Variants in MINDY4 observed in about 807,000 individuals in gnomAD.
MINDY4 encodes the protein probable ubiquitin carboxyl-terminal hydrolase MINDY-4.
A neutral mutation model predicts 87.0 loss-of-function variants in MINDY4; 68 were observed. The observed-to-expected ratio is 0.78, with a 90% CI of 0.64 to 0.96. The LOEUF is 0.96. Ranked by LOEUF, MINDY4 falls within the 40% of genes least tolerant of loss-of-function variation. The pLI is 0.00. For synonymous variants in MINDY4, 379 were observed against 363.2 expected, an observed-to-expected ratio of 1.04 and a Z score of -0.50; for missense variants, 919 against 928.2, an observed-to-expected ratio of 0.99 and a Z score of 0.13.
At chr7:30,804,734 G>A (rs1447718172) in intron 5 of MINDY4, among the ~76,000 whole-genome samples, 1 of 152,200 alleles carries the variant, frequency 6.6e-6, no homozygotes, top group Non-Finnish European at 1.5e-5. Context: ...GGAAACTGAG[G>A]CACAAAATGA....
At chr7:30,842,426 T>A (rs1789069078) in intron 9 of MINDY4, among the ~76,000 whole-genome samples, 1 of 152,208 alleles carries the variant, frequency 6.6e-6, no homozygotes. Context: ...TGCTCCTGAC[T>A]GGGTGGAACT....
intron 9 of MINDY4, among the ~76,000 whole-genome samples, chr7:30,849,956 A>G (rs1338241916): frequency 1.3e-5 from 2 of 152,190 alleles, no homozygotes; most frequent in African/African-American, 4.8e-5. Context: ...CTGTGTCTAA[A>G]TGTCCAGCAA....
chr7:30,812,272 G>C (rs1172338873), intron 5 of MINDY4, among the ~76,000 whole-genome samples: 1 of 47,958 alleles, frequency 2.1e-5, no homozygotes, highest in Non-Finnish European at 3.6e-5. Flanking sequence ...TGTGTGTTGA[G>C]GGGGGGGGGG....
chr7:30,858,898 A>G (rs945855468), intron 12 of MINDY4: 1 of 470,190 alleles, frequency 2.1e-6, no homozygotes, highest in Non-Finnish European at 4.2e-6. Context: ...CAGTAATCAT[A>G]GTACTGTCCC....
Position 30,791,135 on chromosome 7 carries a change from C to A in MINDY4, c.664-30C>A, listed in dbSNP as rs746641633. On this transcript the variant is annotated intron_variant, in intron 4 of 17. Transcript: ENST00000265299. Reference sequence around the variant, plus strand: ...TGTTTTCCAGCTCCCCTCAAAGGGTCCTCACTGCTTTTGTCCTTACTCCCT... The same window carrying A: ...TGTTTTCCAGCTCCCCTCAAAGGGTACTCACTGCTTTTGTCCTTACTCCCT... The A allele has an allele frequency of 3.8e-6, 6 of 1,565,890 alleles. No homozygotes were observed. In the Admixed American group the frequency reaches 1.1e-4, roughly 28 times the overall value.
intron 9 of MINDY4, among the ~76,000 whole-genome samples, chr7:30,850,084 T>C (rs547026190): frequency 6.6e-6 from 1 of 152,290 alleles, no homozygotes; most frequent in Admixed American, 6.5e-5. Flanking sequence ...GAGATGGCAG[T>C]CATTCCCGAG....
chr7:30,823,748 C>G (rs962737603), intron 5 of MINDY4, among the ~76,000 whole-genome samples: 1 of 152,124 alleles, frequency 6.6e-6, no homozygotes, highest in Non-Finnish European at 1.5e-5. Flanking sequence ...GGCTTTCACT[C>G]ATGGTACATG....
chr7:30,811,696 C>A (rs181721269), intron 5 of MINDY4, among the ~76,000 whole-genome samples: 38 of 152,342 alleles, frequency 2.5e-4, no homozygotes, highest in African/African-American at 8.7e-4. Flanking sequence ...GTATAGATTA[C>A]AGACATTGTA....
intron 6 of MINDY4, among the ~76,000 whole-genome samples, chr7:30,833,816 C>T (rs866113610): frequency 3.3e-5 from 5 of 152,222 alleles, no homozygotes; most frequent in Admixed American, 6.5e-5. Flanking sequence ...AACAAAGGGG[C>T]CCAGGCCCTA....
chr7:30,801,191 CTG>C (rs1029781586), intron 5 of MINDY4, among the ~76,000 whole-genome samples: 6 of 152,214 alleles, frequency 3.9e-5, no homozygotes, highest in African/African-American at 1.4e-4. Context: ...GGTTCATTGA[CTG>C]TTCCCTGCTT....
chr7:30,840,364 G>C (rs78466775), intron 8 of MINDY4, among the ~76,000 whole-genome samples: 5,754 of 152,310 alleles, frequency 0.038, 162 homozygotes, highest in East Asian at 0.11. Flanking sequence ...GTCAGGAAAG[G>C]CTTCTTGGAG....
intron 5 of MINDY4, among the ~76,000 whole-genome samples, chr7:30,813,160 C>T (rs1420082511): frequency 6.6e-6 from 1 of 152,178 alleles, no homozygotes; most frequent in Non-Finnish European, 1.5e-5. Context: ...GATTCAGATC[C>T]TTAAAAACCA....
chr7:30,798,019 G>C (rs560839268), intron 5 of MINDY4, among the ~76,000 whole-genome samples: 1 of 152,284 alleles, frequency 6.6e-6, no homozygotes, highest in South Asian at 2.1e-4. Context: ...GGGTGCACCT[G>C]TCTCTCTCCT....
chr7:30,821,982 C>G (rs1788343330), intron 5 of MINDY4, among the ~76,000 whole-genome samples: 1 of 152,128 alleles, frequency 6.6e-6, no homozygotes, highest in Non-Finnish European at 1.5e-5. Context: ...CTTTCTCTCT[C>G]TTTCTCTCAT....
chr7:30,865,151 T>C (rs1789893627), intron 13 of MINDY4, among the ~76,000 whole-genome samples: 1 of 152,194 alleles, frequency 6.6e-6, no homozygotes, highest in South Asian at 2.1e-4. Flanking sequence ...CTCCCGTCTC[T>C]GCACCGACAC....
At chr7:30,817,544 A>G (rs1435022266) in intron 5 of MINDY4, among the ~76,000 whole-genome samples, 1 of 152,146 alleles carries the variant, frequency 6.6e-6, no homozygotes, top group Non-Finnish European at 1.5e-5. Flanking sequence ...GAAGCGAGGA[A>G]GGAGTACAGC....
chr7:30,858,923 G>A (rs1789662467), intron 12 of MINDY4: 1 of 546,700 alleles, frequency 1.8e-6, no homozygotes, highest in Non-Finnish European at 3.5e-6. Flanking sequence ...GACTGTTAGA[G>A]TGTTCGGGGT....
chr7:30,856,295 G>A (rs1326584518), intron 12 of MINDY4, among the ~76,000 whole-genome samples: 2 of 152,150 alleles, frequency 1.3e-5, no homozygotes, highest in Non-Finnish European at 2.9e-5. Context: ...TGTCTTGGCA[G>A]CTTGAATTTG....
rs115657024 is a variant in MINDY4, at chr7:30,878,248, G to C, written c.1971+2592G>C. 5.2e-3 allele frequency among the ~76,000 whole-genome samples: 795 copies of C among 152,258 alleles called. 5 individuals are homozygous for C. Among genetic ancestry groups the C allele is most frequent in the African/African-American group, 0.019 (771 of 41,554 alleles). On this transcript the variant is annotated intron_variant, in intron 15 of 17. Coordinates refer to ENST00000265299, the MANE Select transcript of MINDY4 (RefSeq NM_032222.3). Reference sequence around the variant, plus strand: ...CACTAGCAGGTGAAGCCTCTCACTTGCAGCTTGTCTCCAGGCTTCTCACTG... The same window carrying C: ...CACTAGCAGGTGAAGCCTCTCACTTCCAGCTTGTCTCCAGGCTTCTCACTG...
Sources: gnomAD v4.1 joint callset for allele counts (sites outside exome capture counted in the v4.1 genomes callset) on GRCh38, gnomAD v4.1.1 for gene constraint, MANE v1.5 for transcripts, NCBI Gene and HGNC (gene_info 2026-07-23, HGNC 2026-07-21) for gene names.